The following GALNT17 variants were observed in gnomAD, a reference collection of about 807,000 sequenced individuals.
GALNT17 encodes polypeptide N-acetylgalactosaminyltransferase 17.
Under a neutral mutation model 63.7 loss-of-function variants are expected in GALNT17, and 29 were observed. The ratio of observed to expected loss-of-function variants is 0.46; its 90% CI spans 0.34 to 0.62. The LOEUF is 0.62. Among genes scored for constraint, GALNT17 ranks in the 20% least tolerant of loss-of-function variants. The pLI is 0.01. For missense variants in GALNT17, 603 were observed against 799.6 expected, an observed-to-expected ratio of 0.75 and a Z score of 2.97; for synonymous variants, 305 against 318.3, an observed-to-expected ratio of 0.96 and a Z score of 0.45.
chr7:71,393,539 A>G (rs1373003768), intron 3 of GALNT17, among the ~76,000 whole-genome samples: 1 of 152,122 alleles, frequency 6.6e-6, no homozygotes, highest in Admixed American at 6.5e-5. Flanking sequence ...AGTGTAAAGC[A>G]TAATCAGTGC....
In GALNT17 at chr7:71,261,965, G is replaced by A. The variant is rs551717327; in HGVS notation, c.239-73585G>A. ...AGCTTGGGCCCTCTTCCCGGGAGCC[G>A]TGAGCACTGAGGGGGTCTACATCTT... On this transcript the variant is annotated intron_variant, in intron 1 of 10. Transcript: ENST00000333538. Among the ~76,000 whole-genome samples, 10 of 152,244 alleles carry A rather than the reference G, an allele frequency of 6.6e-5. No individual in the cohort carries two copies. In the South Asian group the frequency reaches 1.9e-3, roughly 28 times the overall value.
intron 2 of GALNT17, among the ~76,000 whole-genome samples, chr7:71,345,872 G>A (rs1026332791): frequency 1.3e-5 from 2 of 151,908 alleles, no homozygotes; most frequent in African/African-American, 2.4e-5. Flanking sequence ...TATATAGGGT[G>A]AAAGTGCCTT....
At chr7:71,178,388 C>G (rs1259799553) in intron 1 of GALNT17, among the ~76,000 whole-genome samples, 1 of 151,968 alleles carries the variant, frequency 6.6e-6, no homozygotes, top group Non-Finnish European at 1.5e-5. Flanking sequence ...TTCTATTTAT[C>G]CCTGCTTGGG....
intron 6 of GALNT17, among the ~76,000 whole-genome samples, chr7:71,602,898 G>T (rs537459293): frequency 6.6e-4 from 100 of 151,722 alleles, no homozygotes; most frequent in Admixed American, 1.5e-3. Flanking sequence ...ACTGTGCCGA[G>T]TCCACACACT....
At chr7:71,596,250 G>A (rs1789884354) in intron 6 of GALNT17, among the ~76,000 whole-genome samples, 1 of 152,124 alleles carries the variant, frequency 6.6e-6, no homozygotes, top group Non-Finnish European at 1.5e-5. Context: ...ATGTTGGCCA[G>A]GCTGGTCTCA....
chr7:71,449,108 C>CTTATTTTTTTTTT (rs1787211166), intron 5 of GALNT17, among the ~76,000 whole-genome samples: 1 of 72,754 alleles, frequency 1.4e-5, no homozygotes. Flanking sequence ...TGCCTATTTT[C>CTTATTTTTTTTTT]TTTTTTTTTT....
At chr7:71,447,683 G>A (rs1787184609) in intron 5 of GALNT17, among the ~76,000 whole-genome samples, 1 of 152,002 alleles carries the variant, frequency 6.6e-6, no homozygotes, top group Non-Finnish European at 1.5e-5. Flanking sequence ...TGATCCACAT[G>A]GTATACTTTG....
chr7:71,599,421 C>T (rs1789933335), intron 6 of GALNT17, among the ~76,000 whole-genome samples: 1 of 152,220 alleles, frequency 6.6e-6, no homozygotes, highest in Non-Finnish European at 1.5e-5. Flanking sequence ...CTGTGAGCCT[C>T]ACTTGCTGTG....
At chr7:71,156,051 C>A (rs550007208) in intron 1 of GALNT17, among the ~76,000 whole-genome samples, 1 of 151,908 alleles carries the variant, frequency 6.6e-6, no homozygotes, top group Admixed American at 6.6e-5. Flanking sequence ...ACAAAATTAG[C>A]CAGGCGTGGT....
intron 4 of GALNT17, among the ~76,000 whole-genome samples, chr7:71,418,432 T>C (rs1786590427): frequency 6.6e-6 from 1 of 152,206 alleles, no homozygotes; most frequent in South Asian, 2.1e-4. Context: ...GTTTCTCTCT[T>C]GTCTGCATGG....
intron 5 of GALNT17, among the ~76,000 whole-genome samples, chr7:71,536,425 A>G (rs1366207775): frequency 6.6e-6 from 1 of 152,220 alleles, no homozygotes. Flanking sequence ...TGGCTGATAA[A>G]GACATATCCA....
At position 71,711,966 on chromosome 7, in the gene GALNT17, TCTCTCTCTC is replaced by T. The variant is rs1187584178; in HGVS notation, c.1669-42_1669-34del. On this transcript the variant is annotated intron_variant, in intron 10 of 10. Coordinates refer to ENST00000333538, the MANE Select transcript of GALNT17 (RefSeq NM_022479.3). The stretch of plus-strand genomic sequence containing the variant: ...TCTCCTCTCTCTATATCTCTCGCTG[TCTCTCTCTC>T]CTCTCTCTCTTCTCCTCTCTTCTCG... The T allele has an allele frequency of 3.8e-6, 6 of 1,593,990 alleles. No homozygotes were observed. In the African/African-American group the frequency reaches 6.7e-5, roughly 18 times the overall value.
chr7:71,242,244 CT>C (rs796157853), intron 1 of GALNT17, among the ~76,000 whole-genome samples: 11,732 of 116,972 alleles, frequency 0.1, 723 homozygotes, highest in East Asian at 0.3. Context: ...GATCACATTT[CT>C]TTTTTTTTTT....
At chr7:71,274,518 A>G (rs191488353) in intron 1 of GALNT17, among the ~76,000 whole-genome samples, 1 of 152,280 alleles carries the variant, frequency 6.6e-6, no homozygotes, top group East Asian at 1.9e-4. Flanking sequence ...GGCCTCAAGC[A>G]GTCCTTCTTC....
chr7:71,309,974 T>TA (rs1791386856), intron 1 of GALNT17, among the ~76,000 whole-genome samples: 1 of 152,154 alleles, frequency 6.6e-6, no homozygotes, highest in Non-Finnish European at 1.5e-5. Context: ...TCCCATGCTG[T>TA]TCTCGTGATA....
intron 1 of GALNT17, among the ~76,000 whole-genome samples, chr7:71,148,858 T>TATATATATATATATATATATA (rs1788075671): frequency 1.1e-5 from 1 of 91,916 alleles, no homozygotes; most frequent in African/African-American, 5.1e-5. Context: ...ATTATGGTAT[T>TATATATATATATATATATATA]TTTATATATA....
At chr7:71,610,401 T>A (rs929792967) in intron 6 of GALNT17, among the ~76,000 whole-genome samples, 2 of 152,048 alleles carry the variant, frequency 1.3e-5, no homozygotes, top group Non-Finnish European at 2.9e-5. Flanking sequence ...GGTGGCAGGA[T>A]CACTTGAACC....
intron 5 of GALNT17, among the ~76,000 whole-genome samples, chr7:71,423,606 TTTGTGATTAACAAGAG>T (rs1210244213): frequency 6.6e-6 from 1 of 152,118 alleles, no homozygotes; most frequent in Non-Finnish European, 1.5e-5. Flanking sequence ...AGTTTAAACA[TTTGTGATTAACAAGAG>T]TAAAAGTTTA....
chr7:71,346,483 C>T (rs1030910844), intron 2 of GALNT17, among the ~76,000 whole-genome samples: 2 of 151,984 alleles, frequency 1.3e-5, no homozygotes, highest in African/African-American at 2.4e-5. Flanking sequence ...TAGCTATTCC[C>T]ATCCCTTCTT....
Sources: allele counts gnomAD v4.1 joint callset (sites outside exome capture counted in the v4.1 genomes callset), GRCh38; gene constraint gnomAD v4.1.1; transcripts MANE v1.5; gene names NCBI Gene and HGNC (gene_info 2026-07-23, HGNC 2026-07-21).